The following TTC27 variants were observed in gnomAD, a reference collection of about 807,000 sequenced individuals.
TTC27 encodes the protein tetratricopeptide repeat domain 27, also known as tetratricopeptide repeat protein 27.
In TTC27, 79 loss-of-function variants were observed where a neutral mutation model predicts 115.9. The observed-to-expected ratio is 0.68, with a 90% confidence interval of 0.57 to 0.82. TTC27 has a LOEUF of 0.82. Among genes scored for constraint, TTC27 ranks in the 40% least tolerant of loss-of-function variants. TTC27 has a pLI of 0.00. For synonymous variants in TTC27, 401 were observed against 356.0 expected, an observed-to-expected ratio of 1.13 and a Z score of -1.42; for missense variants, 1,054 against 993.1, an observed-to-expected ratio of 1.06 and a Z score of -0.82.
chr2:32,668,948 A>G (rs12476450), intron 7 of TTC27, among the ~76,000 whole-genome samples: 117,731 of 151,578 alleles, frequency 0.78, 45,796 homozygotes, highest in Middle Eastern at 0.88. Flanking sequence ...GAGTGGTGGC[A>G]GGCGCCTGTA....
chr2:32,767,294 C>T (rs183179848), intron 13 of TTC27, among the ~76,000 whole-genome samples: 1 of 151,876 alleles, frequency 6.6e-6, no homozygotes, highest in Non-Finnish European at 1.5e-5. Context: ...TAATAGAGGC[C>T]TGTAATTTAG....
chr2:32,756,438 T>C (rs1458681707), intron 12 of TTC27, among the ~76,000 whole-genome samples: 1 of 152,256 alleles, frequency 6.6e-6, no homozygotes, highest in Admixed American at 6.5e-5. Context: ...AACTTTATGT[T>C]TATTTTGACT....
At chr2:32,700,522 A>G (rs1180912477) in intron 9 of TTC27, among the ~76,000 whole-genome samples, 1 of 152,142 alleles carries the variant, frequency 6.6e-6, no homozygotes. Flanking sequence ...CCTAATGAGA[A>G]AAGTCTTTTC....
intron 9 of TTC27, among the ~76,000 whole-genome samples, chr2:32,693,504 G>A (rs1572521083): frequency 6.6e-6 from 1 of 152,120 alleles, no homozygotes; most frequent in African/African-American, 2.4e-5. Flanking sequence ...TTGACACAAG[G>A]AAATATAAAT....
At position 32,702,249 on chromosome 2, in the gene TTC27, T is replaced by C. The variant is rs566276586; in HGVS notation, c.1120-558T>C. Among the ~76,000 whole-genome samples, 4 of 152,304 alleles carry C rather than the reference T, an allele frequency of 2.6e-5. No individual in the cohort carries two copies. The East Asian group carries it at 7.7e-4, about 29-fold the overall frequency. On this transcript the variant is annotated intron_variant, in intron 9 of 19. Transcript: ENST00000317907. ...TAAATAAACAGGTCTTTCTCCTTTA[T>C]TTGTGGTAATCTTTACTGAAAGTAA...
chr2:32,747,940 T>A (rs1441953563), intron 12 of TTC27, among the ~76,000 whole-genome samples: 1 of 151,918 alleles, frequency 6.6e-6, no homozygotes, highest in Admixed American at 6.6e-5. Flanking sequence ...TCTCTATTAT[T>A]TTTTGATCCT....
intron 5 of TTC27, among the ~76,000 whole-genome samples, chr2:32,663,760 C>G (rs1665651192): frequency 6.6e-6 from 1 of 152,140 alleles, no homozygotes; most frequent in African/African-American, 2.4e-5. Flanking sequence ...TCTCAGCTCA[C>G]TACAATCTCT....
intron 13 of TTC27, among the ~76,000 whole-genome samples, chr2:32,761,255 C>G (rs1433600597): frequency 6.6e-6 from 1 of 152,152 alleles, no homozygotes; most frequent in East Asian, 1.9e-4. Flanking sequence ...CACATCTAAT[C>G]GATCAGCAAG....
chr2:32,688,175 G>A (rs577218110), intron 9 of TTC27, among the ~76,000 whole-genome samples: 38 of 152,194 alleles, frequency 2.5e-4, no homozygotes, highest in African/African-American at 6.7e-4. Flanking sequence ...TAACTACTGC[G>A]TATGTAGAAA....
intron 8 of TTC27, among the ~76,000 whole-genome samples, chr2:32,677,040 T>G (rs575612335): frequency 5.3e-5 from 8 of 152,232 alleles, no homozygotes; most frequent in African/African-American, 1.9e-4. Flanking sequence ...GTTTGTCATT[T>G]TCTTGCCTTT....
chr2:32,768,645 A>T (rs1669719895), intron 13 of TTC27, among the ~76,000 whole-genome samples: 1 of 152,234 alleles, frequency 6.6e-6, no homozygotes, highest in South Asian at 2.1e-4. Context: ...GTGGTTTTGA[A>T]TTAAAAAGTG....
At chr2:32,702,395 CT>C (rs1347945830) in intron 9 of TTC27, among the ~76,000 whole-genome samples, 2 of 152,112 alleles carry the variant, frequency 1.3e-5, no homozygotes, top group African/African-American at 4.8e-5. Flanking sequence ...CCTGTTTTCA[CT>C]TATCCAGTAC....
At chr2:32,770,455 C>T (rs148010507) in intron 13 of TTC27, among the ~76,000 whole-genome samples, 148 of 152,294 alleles carry the variant, frequency 9.7e-4, no homozygotes, top group Non-Finnish European at 1.7e-3. Context: ...TATGCTAGGA[C>T]GTAATGGCAG....
At chr2:32,795,462 A>G (rs907147244) in intron 16 of TTC27, among the ~76,000 whole-genome samples, 1 of 151,960 alleles carries the variant, frequency 6.6e-6, no homozygotes, top group Non-Finnish European at 1.5e-5. Flanking sequence ...CCTCGACATA[A>G]TAAAAGCCAG....
At chr2:32,803,868 G>A (rs1671042361) in intron 16 of TTC27, among the ~76,000 whole-genome samples, 1 of 152,044 alleles carries the variant, frequency 6.6e-6, no homozygotes, top group Non-Finnish European at 1.5e-5. Flanking sequence ...TTAGCCAGGT[G>A]TGGTGGCATG....
chr2:32,734,782 C>A lies in TTC27; in HGVS notation c.1329+859C>A, dbSNP rs543792392. 3.9e-5 allele frequency among the ~76,000 whole-genome samples: 6 copies of A among 152,298 alleles called. No homozygotes were observed. In the South Asian group the frequency reaches 1.0e-3, roughly 26 times the overall value. ...TAGTTTCCTCACTTTTAATCTATCT[C>A]TTTTCCTTAGCTTTTCATTGGGTTG... On this transcript the variant is annotated intron_variant, in intron 11 of 19. Transcript: ENST00000317907.
chr2:32,796,469 C>T (rs1405021712), intron 16 of TTC27, among the ~76,000 whole-genome samples: 1 of 152,128 alleles, frequency 6.6e-6, no homozygotes, highest in Non-Finnish European at 1.5e-5. Flanking sequence ...GGGGACATTA[C>T]TACTGATTCT....
rs1221431852 is a variant in TTC27, at chr2:32,755,209, C to T, written c.1453-3083C>T. Among the ~76,000 whole-genome samples the T allele has an allele frequency of 8.5e-5, 13 of 152,322 alleles. No homozygotes were observed. The East Asian group carries it at 1.7e-3, about 20-fold the overall frequency. ...GGCCGGGCAGAGGCTGCAATCTCGG[C>T]ACTTTGGGAGGCCAAGGCAGGCGGC... On this transcript the variant is annotated intron_variant, in intron 12 of 19. Transcript: ENST00000317907.
chr2:32,811,293 G>T (rs568316679), intron 17 of TTC27, 72 bp downstream of exon 17: 36 of 1,377,788 alleles, frequency 2.6e-5, no homozygotes, highest in Non-Finnish European at 3.5e-5. Context: ...TTTTTTGATG[G>T]GTGGAGGAAG....
Sources: allele counts gnomAD v4.1 joint callset (sites outside exome capture counted in the v4.1 genomes callset), GRCh38; gene constraint gnomAD v4.1.1; transcripts MANE v1.5; gene names NCBI Gene and HGNC (gene_info 2026-07-23, HGNC 2026-07-21).